Variants in PDE6D observed in about 807,000 individuals in gnomAD.
PDE6D encodes retinal rod rhodopsin-sensitive cGMP 3',5'-cyclic phosphodiesterase subunit delta.
In PDE6D, 10 loss-of-function variants were observed where a neutral mutation model predicts 21.9. The observed-to-expected ratio is 0.46, with a 90% CI of 0.28 to 0.78. The LOEUF is 0.78. Among genes scored for constraint, PDE6D ranks in the 30% least tolerant of loss-of-function variants. PDE6D has a pLI of 0.12. For synonymous variants in PDE6D, 59 were observed against 63.5 expected (o/e 0.93, Z 0.34); for missense variants, 139 against 184.8 (o/e 0.75, Z 1.44).
chr2:231,774,540 T>C (rs1391072931), intron 1 of PDE6D, among the ~76,000 whole-genome samples: 1 of 152,046 alleles, frequency 6.6e-6, no homozygotes, highest in East Asian at 1.9e-4. Flanking sequence ...CACACACACA[T>C]AAACCAAATG....
At chr2:231,774,170 T>A (rs2049036740) in intron 1 of PDE6D, among the ~76,000 whole-genome samples, 1 of 152,102 alleles carries the variant, frequency 6.6e-6, no homozygotes, top group Non-Finnish European at 1.5e-5. Context: ...CAAACTCAGG[T>A]GATCCACCCA....
intron 1 of PDE6D, among the ~76,000 whole-genome samples, chr2:231,760,585 T>C (rs2048917948): frequency 6.6e-6 from 1 of 152,114 alleles, no homozygotes; most frequent in Non-Finnish European, 1.5e-5. Context: ...CACCCCCAGC[T>C]ATCCTGCATA....
intron 1 of PDE6D, among the ~76,000 whole-genome samples, chr2:231,757,759 A>AT (rs2048894587): frequency 6.6e-6 from 1 of 152,208 alleles, no homozygotes. Flanking sequence ...CAGGAAGAGT[A>AT]TTTTTTAATT....
intron 1 of PDE6D, among the ~76,000 whole-genome samples, chr2:231,777,966 G>C (rs1052658380): frequency 6.6e-6 from 1 of 152,184 alleles, no homozygotes; most frequent in African/African-American, 2.4e-5. Flanking sequence ...AAGCCAGATG[G>C]CAAATATTAA....
chr2:231,760,249 T>A (rs578160905), intron 1 of PDE6D, among the ~76,000 whole-genome samples: 1 of 152,184 alleles, frequency 6.6e-6, no homozygotes, highest in Non-Finnish European at 1.5e-5. Context: ...GTGTTACACA[T>A]CGCTTAGGTA....
intron 1 of PDE6D, among the ~76,000 whole-genome samples, chr2:231,745,944 C>T (rs889534866): frequency 2.0e-5 from 3 of 151,904 alleles, no homozygotes; most frequent in Non-Finnish European, 2.9e-5. Flanking sequence ...GTTAGATGAA[C>T]GGGGTACTAG....
chr2:231,737,221 G>C lies in PDE6D; in HGVS notation c.337C>G (p.Pro113Ala). ...NTWQSLIEAA[P>A]ESQMMPASVL... ...CTTGCTGGCATCATCTGGGACTCGG[G>C]TGCTGCCTCTATCAAGGACTGCCAG... The change falls in exon 4 of 5, where the codon CCC becomes GCC. Residue 113 changes from proline (P) to alanine (A), a missense_variant. Pro to Ala is a conservative substitution (Grantham distance 27). Coordinates refer to ENST00000287600, the MANE Select transcript of PDE6D (RefSeq NM_002601.4). 6.2e-7 allele frequency: 1 copy of C among 1,611,780 alleles called. No individual in the cohort carries two copies. Among genetic ancestry groups the C allele is most frequent in the Non-Finnish European group, 8.5e-7 (1 of 1,177,908 alleles).
chr2:231,773,948 T>C (rs1205057320), intron 1 of PDE6D, among the ~76,000 whole-genome samples: 1 of 152,246 alleles, frequency 6.6e-6, no homozygotes, highest in East Asian at 1.9e-4. Flanking sequence ...TTATTATTAT[T>C]ATTGAGATGG....
At chr2:231,743,642 T>C (rs2048768958) in intron 1 of PDE6D, among the ~76,000 whole-genome samples, 1 of 152,004 alleles carries the variant, frequency 6.6e-6, no homozygotes, top group Non-Finnish European at 1.5e-5. Flanking sequence ...CTATGCTCAA[T>C]ACATCTCCAG....
Position 231,733,124 on chromosome 2 carries a change from C to G in PDE6D, c.372-91G>C, listed in dbSNP as rs1235527962. The G allele has an allele frequency of 3.1e-5, 27 of 876,426 alleles. No individual in the cohort carries two copies. The South Asian group carries it at 3.8e-4, about 12-fold the overall frequency. The allele number at this position is 876,426 out of a possible 1,614,324, so 54.3% of individuals were successfully genotyped here. ...CACAAAGTGGTTTCCATCTGGATTCCTGGGCCAATGGACATGCACCCACCC... is the reference window on the plus strand; with the variant it reads ...CACAAAGTGGTTTCCATCTGGATTCGTGGGCCAATGGACATGCACCCACCC... On this transcript the variant is annotated intron_variant, in intron 4 of 4. Coordinates refer to ENST00000287600, the MANE Select transcript of PDE6D (RefSeq NM_002601.4).
In PDE6D at chr2:231,739,513, G is replaced by T. The variant is rs1015703277; in HGVS notation, c.51-325C>A. Among the ~76,000 whole-genome samples, 9 of 152,080 alleles carry T rather than the reference G, an allele frequency of 5.9e-5. No homozygotes were observed. On this transcript the variant is annotated intron_variant, in intron 1 of 4. Transcript: ENST00000287600. The surrounding 1 kb of genome is among the most constrained non-coding windows in gnomAD (Gnocchi z 4.2). ...GACCAACCAAGATAAAATACCTAAA[G>T]AAACAAATATCAGATGTACCCCAAG...
At chr2:231,751,315 G>T (rs747890490) in intron 1 of PDE6D, among the ~76,000 whole-genome samples, 1 of 152,016 alleles carries the variant, frequency 6.6e-6, no homozygotes, top group Non-Finnish European at 1.5e-5. Context: ...ACCACCTCGT[G>T]TGGCTAATTT....
rs1055966061 is a variant in PDE6D, at chr2:231,781,214, C to T, written c.-100G>A. 4.2e-6 allele frequency: 5 copies of T among 1,197,200 alleles called. No individual in the cohort carries two copies. In the South Asian group the frequency reaches 6.4e-5, roughly 15 times the overall value. 74.2% of individuals were successfully genotyped at this position (1,197,200 alleles called of 1,614,324 possible). A position where few individuals can be genotyped will look rare whatever the true frequency, so the allele number is the denominator to read the frequency against. On this transcript the variant is annotated 5_prime_UTR_variant, in exon 1 of 5. Transcript: ENST00000287600. ...ATGGAGCCGCAGCCCGGCTTGGAGACCTCGGGCTAGCAGCCGCAGCGGCCA... is the reference window on the plus strand; with the variant it reads ...ATGGAGCCGCAGCCCGGCTTGGAGATCTCGGGCTAGCAGCCGCAGCGGCCA...
intron 1 of PDE6D, among the ~76,000 whole-genome samples, chr2:231,753,937 G>A (rs2106273426): frequency 6.6e-6 from 1 of 152,330 alleles, no homozygotes; most frequent in African/African-American, 2.4e-5. Flanking sequence ...TCCAGGCACA[G>A]TGAATATACT....
intron 1 of PDE6D, among the ~76,000 whole-genome samples, chr2:231,767,174 T>A (rs1257963520): frequency 6.6e-6 from 1 of 152,158 alleles, no homozygotes; most frequent in Non-Finnish European, 1.5e-5. Flanking sequence ...ACTTTTCTGA[T>A]ATCCTACTTT....
rs1239862140 is a variant in PDE6D at position 231,741,847 on chromosome 2, A to G, written c.51-2659T>C. 7.4e-4 allele frequency among the ~76,000 whole-genome samples: 112 copies of G among 152,338 alleles called. 2 individuals carry two copies. The highest frequency in any genetic ancestry group is 7.1e-3 in the Admixed American group (108 of 15,290). On this transcript the variant is annotated intron_variant, in intron 1 of 4. Transcript: ENST00000287600. Reference sequence around the variant, plus strand: ...ATGAAAGCACATGCTAACACCCAATATAATTTACCTGGGAGGATGGGGGAA... The same window carrying G: ...ATGAAAGCACATGCTAACACCCAATGTAATTTACCTGGGAGGATGGGGGAA...
Position 231,781,234 on chromosome 2 carries a change from C to T in PDE6D, c.-120G>A. On this transcript the variant is annotated 5_prime_UTR_variant, in exon 1 of 5. Transcript: ENST00000287600. ...GGAGACCTCGGGCTAGCAGCCGCAG[C>T]GGCCAGACCAGGACCGGCCTCTCTC... 1 of 920,060 alleles carries T rather than the reference C, an allele frequency of 1.1e-6. No individual in the cohort carries two copies. Among genetic ancestry groups the T allele is most frequent in the African/African-American group, 1.7e-5 (1 of 60,606 alleles). The allele number at this position is 920,060 out of a possible 1,614,324, so 57.0% of individuals were successfully genotyped here.
In PDE6D at chr2:231,753,928, C is replaced by T. The variant is rs572062355; in HGVS notation, c.51-14740G>A. 1.5e-3 allele frequency among the ~76,000 whole-genome samples: 230 copies of T among 152,358 alleles called. 6 individuals are homozygous for T. The highest frequency in any genetic ancestry group is 5.2e-3 in the African/African-American group (217 of 41,586). ...CACTCCTTCCTACACCCATTCTCAT[C>T]CAGGCACAGTGAATATACTATGCAC... On this transcript the variant is annotated intron_variant, in intron 1 of 4. Transcript: ENST00000287600.
intron 1 of PDE6D, among the ~76,000 whole-genome samples, chr2:231,767,465 G>A (rs1253759452): frequency 1.3e-5 from 2 of 151,220 alleles, no homozygotes; most frequent in Non-Finnish European, 3.0e-5. Context: ...ACAGGCGCCC[G>A]CCACCACGCC....
Sources: gnomAD v4.1 joint callset for allele counts (sites outside exome capture counted in the v4.1 genomes callset) on GRCh38, gnomAD v4.1.1 for gene constraint, Gnocchi (gnomAD v3.1) non-coding constraint, MANE v1.5 for transcripts, NCBI Gene and HGNC (gene_info 2026-07-23, HGNC 2026-07-21) for gene names.